PALLD: variants seen among roughly 807,000 people sequenced by gnomAD.
PALLD encodes the protein palladin, cytoskeletal associated protein.
A neutral mutation model predicts 123.5 loss-of-function variants in PALLD; 61 were observed. The observed-to-expected ratio is 0.49, with a 90% CI of 0.40 to 0.61. PALLD has a LOEUF of 0.61. Ranked by LOEUF, PALLD falls within the 20% of genes least tolerant of loss-of-function variation. PALLD has a pLI of 0.00. For missense variants in PALLD, 1,273 were observed against 1,377.0 expected (o/e 0.92, Z 1.20); for synonymous variants, 465 against 496.4 (o/e 0.94, Z 0.84).
chr4:168,686,779 G>A (rs1782102795), intron 6 of PALLD: 1 of 152,196 alleles, frequency 6.6e-6, no homozygotes, highest in Non-Finnish European at 1.5e-5. Context: ...AAAAAGTTGT[G>A]TGGAGGAAAA....
intron 2 of PALLD, among the ~76,000 whole-genome samples, chr4:168,625,502 G>GATAGATAGATAGATAGAT: frequency 2.6e-5 from 3 of 114,430 alleles, no homozygotes; most frequent in Admixed American, 2.1e-4. Flanking sequence ...ATATCCAGGA[G>GATAGATAGATAGATAGAT]ATATATATAT....
intron 2 of PALLD, among the ~76,000 whole-genome samples, chr4:168,640,809 T>C (rs949071234): frequency 5.3e-5 from 8 of 152,272 alleles, no homozygotes; most frequent in South Asian, 2.1e-4. Context: ...TTAGTACTTA[T>C]GTTTCCTGTC....
At chr4:168,780,540 T>C (rs576146378) in intron 10 of PALLD, among the ~76,000 whole-genome samples, 16 of 152,372 alleles carry the variant, frequency 1.1e-4, no homozygotes, top group African/African-American at 3.8e-4. Context: ...GATTATCCAG[T>C]ATTCTCTCTT....
intron 10 of PALLD, among the ~76,000 whole-genome samples, chr4:168,732,591 A>G (rs1237010447): frequency 6.6e-6 from 1 of 152,150 alleles, no homozygotes; most frequent in Non-Finnish European, 1.5e-5. Context: ...TAAGGCTAGG[A>G]ACATAACCAG....
At chr4:168,873,465 AC>A (rs1751345970) in intron 10 of PALLD, among the ~76,000 whole-genome samples, 1 of 152,224 alleles carries the variant, frequency 6.6e-6, no homozygotes, top group Admixed American at 6.5e-5. Flanking sequence ...AATTACGAAT[AC>A]CCCATCTTTA....
chr4:168,924,928 T>G lies in PALLD; in HGVS notation c.3225-17T>G. The G allele has an allele frequency of 1.9e-6, 3 of 1,614,012 alleles. No individual in the cohort carries two copies. Among genetic ancestry groups the G allele is most frequent in the Non-Finnish European group, 1.7e-6 (2 of 1,179,938 alleles). On this transcript the variant is annotated splice_polypyrimidine_tract_variant and intron_variant, in intron 19 of 21. Coordinates refer to ENST00000505667, the MANE Select transcript of PALLD (RefSeq NM_001166108.2). ...TTAAAAAATTTAGAACCCTAATGAC[T>G]TTATCCTTTTCTCCAGCATGCACCA...
chr4:168,854,714 C>T (rs931553221), intron 10 of PALLD, among the ~76,000 whole-genome samples: 6 of 152,246 alleles, frequency 3.9e-5, no homozygotes, highest in South Asian at 4.1e-4. Flanking sequence ...TATATAGTAA[C>T]GACCTTACAT....
At chr4:168,712,034 C>T in intron 10 of PALLD, 111 bp downstream of exon 10, 2 of 811,926 alleles carry the variant, frequency 2.5e-6, no homozygotes, top group Admixed American at 4.0e-5. Flanking sequence ...TTGGCCTTGA[C>T]TCATGGGACC....
chr4:168,917,210 A>G (rs1760352966), intron 17 of PALLD, among the ~76,000 whole-genome samples: 1 of 151,034 alleles, frequency 6.6e-6, no homozygotes, highest in South Asian at 2.1e-4. Context: ...CACCACGCCC[A>G]GTTAATTTTT....
intron 10 of PALLD, among the ~76,000 whole-genome samples, chr4:168,840,114 TAA>T (rs199853082): frequency 6.6e-6 from 1 of 151,886 alleles, no homozygotes; most frequent in African/African-American, 2.4e-5. Flanking sequence ...AGATTTTTTT[TAA>T]AAAAAATCTA....
At chr4:168,533,994 A>G (rs2149488714) in intron 2 of PALLD, among the ~76,000 whole-genome samples, 1 of 152,328 alleles carries the variant, frequency 6.6e-6, no homozygotes, top group East Asian at 1.9e-4. Flanking sequence ...TAGAATGGCC[A>G]AATAATCTTG....
At chr4:168,503,646 CAA>C (rs35693126) in intron 1 of PALLD, among the ~76,000 whole-genome samples, 45 of 111,666 alleles carry the variant, frequency 4.0e-4, no homozygotes, top group Admixed American at 3.7e-4. Flanking sequence ...GACTCCATCT[CAA>C]AAAAAAAAAA....
At chr4:168,779,107 C>G (rs1278787527) in intron 10 of PALLD, among the ~76,000 whole-genome samples, 1 of 152,176 alleles carries the variant, frequency 6.6e-6, no homozygotes, top group African/African-American at 2.4e-5. Context: ...AGACAGTTAA[C>G]TAGACATCAG....
At chr4:168,827,722 T>A (rs1225093647) in intron 10 of PALLD, among the ~76,000 whole-genome samples, 3 of 152,152 alleles carry the variant, frequency 2.0e-5, no homozygotes, top group Admixed American at 6.5e-5. Flanking sequence ...CTAAAAAATA[T>A]AGTAAGAGCT....
chr4:168,511,892 A>T lies in PALLD; in HGVS notation c.388A>T (p.Arg130Trp). The change falls in exon 2 of 22, where the codon AGG (arginine) becomes TGG (tryptophan). Residue 130 changes from arginine to tryptophan, a missense_variant. Arg to Trp is a moderately radical substitution (Grantham distance 101). This residue lies in a region of PALLD where 944 missense variants were observed against 954.5 expected (regional missense o/e 0.99). Coordinates refer to ENST00000505667, the MANE Select transcript of PALLD (RefSeq NM_001166108.2). ...RKPAMSPLLT[R>W]PSYIRSLRKA... ...ACCTGCCATGTCACCCCTGCTCACC[A>T]GGCCCAGCTACATCCGGAGCCTCCG... The T allele has an allele frequency of 1.2e-6, 2 of 1,614,168 alleles. No individual in the cohort carries two copies. The highest frequency in any genetic ancestry group is 1.7e-6 in the Non-Finnish European group (2 of 1,180,024).
intron 2 of PALLD, among the ~76,000 whole-genome samples, chr4:168,602,121 G>C (rs1772726899): frequency 6.6e-6 from 1 of 152,192 alleles, no homozygotes; most frequent in Non-Finnish European, 1.5e-5. Flanking sequence ...CAGGGCAAGA[G>C]TGCAGGGTCA....
chr4:168,820,930 C>G (rs1213876465), intron 10 of PALLD, among the ~76,000 whole-genome samples: 2 of 152,076 alleles, frequency 1.3e-5, no homozygotes, highest in African/African-American at 4.8e-5. Flanking sequence ...TCTAATGATA[C>G]TATTATTTAT....
At chr4:168,661,028 C>T (rs1390602761) in intron 2 of PALLD, among the ~76,000 whole-genome samples, 1 of 152,098 alleles carries the variant, frequency 6.6e-6, no homozygotes, top group Non-Finnish European at 1.5e-5. Context: ...CCTCAGCCTC[C>T]TGAGTAGCTG....
chr4:168,559,939 T>C (rs1404657585), intron 2 of PALLD, among the ~76,000 whole-genome samples: 1 of 151,758 alleles, frequency 6.6e-6, no homozygotes, highest in Non-Finnish European at 1.5e-5. Context: ...AGAGAGAGCA[T>C]GCAAGCAAGC....
Sources: allele counts gnomAD v4.1 joint callset (sites outside exome capture counted in the v4.1 genomes callset), GRCh38; gene constraint gnomAD v4.1.1; regional missense constraint gnomAD v4.1.1; transcripts MANE v1.5; gene names NCBI Gene and HGNC (gene_info 2026-07-23, HGNC 2026-07-21).